The following GPR78 variants were observed in gnomAD, a reference collection of about 807,000 sequenced individuals.
GPR78 encodes the protein G protein-coupled receptor 78.
Under a neutral mutation model 17.9 loss-of-function variants are expected in GPR78, and 29 were observed. That is an observed-to-expected ratio of 1.62 (90% CI 1.20 to 2.21). The LOEUF (loss-of-function observed/expected upper bound fraction) is 2.21. Among genes scored for constraint, GPR78 ranks in the 30% most tolerant of loss-of-function variants. The probability of loss-of-function intolerance (pLI) is 0.00; values close to 1 mark genes in which losing one functional copy is unlikely to be tolerated. For synonymous variants in GPR78, 349 were observed against 256.9 expected (o/e 1.36, Z -3.43); for missense variants, 649 against 530.5 (o/e 1.22, Z -2.19).
rs560236698 is a variant in GPR78 at position 8,588,140 on chromosome 4, T to C, written c.*777T>C. On this transcript the variant is annotated 3_prime_UTR_variant, in exon 3 of 3. Coordinates refer to ENST00000382487, the MANE Select transcript of GPR78 (RefSeq NM_080819.5). Reference sequence around the variant, plus strand: ...AGATATCATCAGAGCATGTGACCTCTGTTTCCTCCCCCTGAAGGCCACCGC... The same window carrying C: ...AGATATCATCAGAGCATGTGACCTCCGTTTCCTCCCCCTGAAGGCCACCGC... Among the ~76,000 whole-genome samples, 1 of 152,332 alleles carries C rather than the reference T, an allele frequency of 6.6e-6. No individual in the cohort carries two copies. Among genetic ancestry groups the C allele is most frequent in the East Asian group, 1.9e-4 (1 of 5,174 alleles).
chr4:8,582,471 T>C (rs1713333195), intron 1 of GPR78, 60 bp from the exon 2 acceptor site: 5 of 1,177,914 alleles, frequency 4.2e-6, no homozygotes, highest in Admixed American at 1.7e-5. Context: ...CCCTGGGCTC[T>C]GGGCCTGGGT....
chr4:8,581,594 G>C lies in GPR78; in HGVS notation c.612G>C (p.Gln204His). 2 of 1,552,562 alleles carry C rather than the reference G, an allele frequency of 1.3e-6. No individual in the cohort carries two copies. Among genetic ancestry groups the C allele is most frequent in the Non-Finnish European group, 1.7e-6 (2 of 1,156,096 alleles). ...ACCGGGTGGCACGCAGACACTGCCA[G>C]CGCATGGACACCGTCACCATGAAGG... ...QVHRVARRHC[Q>H]RMDTVTMKAL... Residue 204 changes from glutamine to histidine, a missense_variant, in exon 1 of 3, where the codon CAG (glutamine) becomes CAC (histidine). Coordinates refer to ENST00000382487, the MANE Select transcript of GPR78 (RefSeq NM_080819.5).
Position 8,587,205 on chromosome 4 carries a change from C to T in GPR78, c.934C>T (p.Leu312=), listed in dbSNP as rs1244898958. Residue 312 remains leucine (L), a synonymous_variant, in exon 3 of 3, where the codon CTG becomes TTG. Coordinates refer to ENST00000382487, the MANE Select transcript of GPR78 (RefSeq NM_080819.5). ...AGTCCTGGCCGGCATGGTGCACCGG[C>T]TGCTGAAGAGAACCCCGCGCCCAGC... The part of the protein sequence containing the change: ...RQVLAGMVHR[L]LKRTPRPAST... 1.2e-6 allele frequency: 2 copies of T among 1,610,874 alleles called. No individual in the cohort carries two copies.
intron 2 of GPR78, 168 bp downstream of exon 2, chr4:8,582,812 A>G: frequency 1.7e-6 from 1 of 596,140 alleles, no homozygotes; most frequent in Non-Finnish European, 3.0e-6. Flanking sequence ...CCTGGGAAAG[A>G]TCCTGGGAGG....
At position 8,581,318 on chromosome 4, in the gene GPR78, G is replaced by A; in HGVS notation, c.336G>A (p.Leu112=). The A allele has an allele frequency of 6.3e-7, 1 of 1,579,676 alleles. No individual in the cohort carries two copies. Among genetic ancestry groups the A allele is most frequent in the Non-Finnish European group, 8.6e-7 (1 of 1,169,176 alleles). ...AGTGGCTGGCAGTGGGCTTCCCACTGCGCTACGCCGGACGCCTGCGACCGC... is the reference window on the plus strand; with the variant it reads ...AGTGGCTGGCAGTGGGCTTCCCACTACGCTACGCCGGACGCCTGCGACCGC... ...ADQWLAVGFP[L]RYAGRLRPRY... Residue 112 remains leucine (L), a synonymous_variant, in exon 1 of 3, where the codon CTG becomes CTA. Transcript: ENST00000382487.
chr4:8,584,137 A>G (rs1326226971), intron 2 of GPR78, among the ~76,000 whole-genome samples: 19 of 152,228 alleles, frequency 1.2e-4, no homozygotes, highest in Admixed American at 2.6e-4. Flanking sequence ...ACATATGTGT[A>G]GAAGGTGAGT....
chr4:8,583,702 TG>T lies in GPR78; in HGVS notation c.782+1065del, dbSNP rs1160123030. Among the ~76,000 whole-genome samples, 12 of 31,438 alleles carry T rather than the reference TG, an allele frequency of 3.8e-4. 1 individual carries two copies. In the East Asian group the frequency reaches 9.0e-3, roughly 24 times the overall value. The allele number at this position is 31,438 out of a possible 152,430, so 20.6% of individuals were successfully genotyped here. A position where few individuals can be genotyped will look rare whatever the true frequency, so the allele number is the denominator to read the frequency against. On this transcript the variant is annotated intron_variant, in intron 2 of 2. Transcript: ENST00000382487. ...TGGCTTAGATATGTTGTTGGGTGGG[TG>T]GGGGGGAAACAGTTGTGTCCCAGGA...
At position 8,588,974 on chromosome 4, in the gene GPR78, C is replaced by T. The variant is rs1353641144; in HGVS notation, c.*1611C>T. On this transcript the variant is annotated 3_prime_UTR_variant, in exon 3 of 3. Coordinates refer to ENST00000382487, the MANE Select transcript of GPR78 (RefSeq NM_080819.5). ...CTCCACCTCCCATGCTCAAGCCATC[C>T]TCCCACCTCAGCCTCCTGAGTAGTT... Among the ~76,000 whole-genome samples the T allele has an allele frequency of 1.3e-5, 2 of 152,210 alleles. No homozygotes were observed. The highest frequency in any genetic ancestry group is 2.9e-5 in the Non-Finnish European group (2 of 68,042).
chr4:8,584,044 C>T (rs1253814393), intron 2 of GPR78, among the ~76,000 whole-genome samples: 1 of 152,172 alleles, frequency 6.6e-6, no homozygotes, highest in East Asian at 1.9e-4. Flanking sequence ...GCCCATGTGC[C>T]TGCGCATGCA....
chr4:8,582,732 A>T (rs1215695992), intron 2 of GPR78, 88 bp downstream of exon 2: 1 of 869,752 alleles, frequency 1.1e-6, no homozygotes, highest in East Asian at 2.4e-5. Context: ...TCCCAGCAAG[A>T]TATCTGGAGG....
At position 8,580,997 on chromosome 4, in the gene GPR78, G is replaced by A; in HGVS notation, c.15G>A (p.Glu5=). 6.3e-7 allele frequency: 1 copy of A among 1,588,854 alleles called. No homozygotes were observed. The highest frequency in any genetic ancestry group is 1.1e-5 in the South Asian group (1 of 88,556). ...CCGCTAGCGCCATGGGCCCCGGCGA[G>A]GCGCTGCTGGCGGGTCTCCTGGTGA... is the stretch of plus-strand genomic sequence containing the variant. MGPG[E]ALLAGLLVMV... The change falls in exon 1 of 3, where the codon GAG becomes GAA. Residue 5 remains glutamate, a synonymous_variant. Coordinates refer to ENST00000382487, the MANE Select transcript of GPR78 (RefSeq NM_080819.5).
At chr4:8,585,943 C>T (rs749106514) in intron 2 of GPR78, among the ~76,000 whole-genome samples, 1 of 152,212 alleles carries the variant, frequency 6.6e-6, no homozygotes, top group Non-Finnish European at 1.5e-5. Context: ...GGCTGCAGTC[C>T]TTCTGAGTGG....
At position 8,587,238 on chromosome 4, in the gene GPR78, C is replaced by A. The variant is rs748241276; in HGVS notation, c.967C>A (p.His323Asn). The change falls in exon 3 of 3, where the codon CAT becomes AAT. Residue 323 changes from histidine to asparagine, a missense_variant. Transcript: ENST00000382487. ...LKRTPRPAST[H>N]DSSLDVAGMV... ...GAGAACCCCGCGCCCAGCATCCACC[C>A]ATGACAGCTCTCTGGATGTGGCCGG... is the stretch of plus-strand genomic sequence containing the variant. 2 of 1,606,632 alleles carry A rather than the reference C, an allele frequency of 1.2e-6. No individual in the cohort carries two copies. Among genetic ancestry groups the A allele is most frequent in the South Asian group, 2.2e-5 (2 of 90,472 alleles).
At position 8,587,726 on chromosome 4, in the gene GPR78, A is replaced by G. The variant is rs937042586; in HGVS notation, c.*363A>G. Reference sequence around the variant, plus strand: ...GGCGTGCTATAAGTGACTGCTGTTCATGTGGGTGAGGTGGTCACTCTTGCT... The same window carrying G: ...GGCGTGCTATAAGTGACTGCTGTTCGTGTGGGTGAGGTGGTCACTCTTGCT... On this transcript the variant is annotated 3_prime_UTR_variant, in exon 3 of 3. Coordinates refer to ENST00000382487, the MANE Select transcript of GPR78 (RefSeq NM_080819.5). 9.4e-6 allele frequency: 3 copies of G among 318,246 alleles called. No homozygotes were observed. Among genetic ancestry groups the G allele is most frequent in the African/African-American group, 2.1e-5 (1 of 47,612 alleles). The allele number at this position is 318,246 out of a possible 1,614,324, so 19.7% of individuals were successfully genotyped here.
In GPR78 at chr4:8,581,036, G is replaced by T. The variant is rs964857194; in HGVS notation, c.54G>T (p.Val18=). The T allele has an allele frequency of 1.9e-6, 3 of 1,602,914 alleles. No individual in the cohort carries two copies. In the African/African-American group the frequency reaches 4.0e-5, roughly 21 times the overall value. The stretch of plus-strand genomic sequence containing the variant: ...GTCTCCTGGTGATGGTACTGGCCGT[G>T]GCGCTGCTATCCAACGCACTGGTGC... ...LAGLLVMVLA[V]ALLSNALVLL... is the part of the protein sequence containing the mutation. Residue 18 remains valine, a synonymous_variant, in exon 1 of 3, where the codon GTG becomes GTT. Coordinates refer to ENST00000382487, the MANE Select transcript of GPR78 (RefSeq NM_080819.5).
chr4:8,586,978 G>T (rs1713533929), intron 2 of GPR78, 76 bp from the exon 3 acceptor site: 4 of 1,326,810 alleles, frequency 3.0e-6, no homozygotes, highest in South Asian at 1.3e-5. Flanking sequence ...TATGGTTCTA[G>T]CACCTTCCCC....
rs934664210 is a variant in GPR78, at chr4:8,580,897, C to T, written c.-86C>T. On this transcript the variant is annotated 5_prime_UTR_variant, in exon 1 of 3. Coordinates refer to ENST00000382487, the MANE Select transcript of GPR78 (RefSeq NM_080819.5). The stretch of plus-strand genomic sequence containing the variant: ...TCCCAGAAGCCGTGGGCGCGCCGCT[C>T]AGCTGCTCCATCGCCTCACTTTCCC... 2.8e-5 allele frequency: 36 copies of T among 1,268,054 alleles called. No individual in the cohort carries two copies. The highest frequency in any genetic ancestry group is 3.4e-5 in the Non-Finnish European group (32 of 942,748). The allele number at this position is 1,268,054 out of a possible 1,614,324, so 78.6% of individuals were successfully genotyped here.
At position 8,587,560 on chromosome 4, in the gene GPR78, T is replaced by C. The variant is rs1476978171; in HGVS notation, c.*197T>C. On this transcript the variant is annotated 3_prime_UTR_variant, in exon 3 of 3. Transcript: ENST00000382487. ...GTAGTGGCGGAGGAGAGCTCGGGGC[T>C]GGGCTGCCTGGCTGCTGGGTGGCCC... 8.0e-6 allele frequency: 5 copies of C among 627,626 alleles called. No individual in the cohort carries two copies. In the East Asian group the frequency reaches 1.1e-4, roughly 14 times the overall value. 38.9% of individuals were successfully genotyped at this position (627,626 alleles called of 1,614,324 possible). A position where few individuals can be genotyped will look rare whatever the true frequency, so the allele number is the denominator to read the frequency against.
At chr4:8,586,945 C>T in intron 2 of GPR78, 109 bp from the exon 3 acceptor site, 1 of 946,654 alleles carries the variant, frequency 1.1e-6, no homozygotes, top group East Asian at 2.5e-5. Flanking sequence ...TAGTGAGCAT[C>T]AGGGCTGCGG....
Sources: gnomAD v4.1 joint callset for allele counts (sites outside exome capture counted in the v4.1 genomes callset) on GRCh38, gnomAD v4.1.1 for gene constraint, MANE v1.5 for transcripts, NCBI Gene and HGNC (gene_info 2026-07-23, HGNC 2026-07-21) for gene names.